USP45: variants seen among roughly 807,000 people sequenced by gnomAD.
USP45 encodes the protein ubiquitin specific peptidase 45, also known as ubiquitin carboxyl-terminal hydrolase 45.
In USP45, 89 loss-of-function variants were observed where a neutral mutation model predicts 95.8. The ratio of observed to expected loss-of-function variants is 0.93; its 90% CI spans 0.78 to 1.11. The LOEUF is 1.11. Ranked by LOEUF, USP45 falls within the 50% of genes least tolerant of loss-of-function variation. The pLI, the probability that USP45 is intolerant of heterozygous loss-of-function variation, is 0.00. For synonymous variants in USP45, 281 were observed against 316.2 expected (o/e 0.89, Z 1.18); for missense variants, 898 against 942.5 (o/e 0.95, Z 0.62).
intron 7 of USP45, among the ~76,000 whole-genome samples, chr6:99,487,766 G>C (rs1474656395): frequency 6.6e-6 from 1 of 151,818 alleles, no homozygotes; most frequent in Non-Finnish European, 1.5e-5. Context: ...CTGCACTCCA[G>C]CCTGCACTCC....
At chr6:99,494,127 CA>C (rs1213754036) in intron 5 of USP45, among the ~76,000 whole-genome samples, 16 of 152,144 alleles carry the variant, frequency 1.1e-4, no homozygotes, top group African/African-American at 3.9e-4. Flanking sequence ...AAGGTAATCA[CA>C]AAGTTTCCAG....
intron 13 of USP45, among the ~76,000 whole-genome samples, chr6:99,451,780 T>C (rs1202776542): frequency 6.6e-6 from 1 of 152,166 alleles, no homozygotes; most frequent in Non-Finnish European, 1.5e-5. Flanking sequence ...CTTCAAACTA[T>C]ACTACAAGGC....
chr6:99,469,487 T>TATAA (rs1491589320), intron 9 of USP45, among the ~76,000 whole-genome samples: 1 of 3,888 alleles, frequency 2.6e-4, no homozygotes, highest in Non-Finnish European at 4.3e-4. Flanking sequence ...TATATATATA[T>TATAA]TTTTTTTTTT....
rs146779308 is a variant in USP45 at position 99,508,622 on chromosome 6, C to T, written c.261G>A (p.Lys87=). 4 of 1,611,948 alleles carry T rather than the reference C, an allele frequency of 2.5e-6. No homozygotes were observed. Among genetic ancestry groups the T allele is most frequent in the Non-Finnish European group, 3.4e-6 (4 of 1,179,508 alleles). ...VLTSDIWLCL[K]CGFQGCGKNS... is the part of the protein sequence containing the mutation. ...ATACTTTTCTTACCTGGAAGCCACACTTGAGGCACAACCAAATATCAGAAG... is the reference window on the plus strand; with the variant it reads ...ATACTTTTCTTACCTGGAAGCCACATTTGAGGCACAACCAAATATCAGAAG... The change falls in exon 3 of 18, where the codon AAG becomes AAA. Residue 87 remains lysine, a synonymous_variant. Transcript: ENST00000500704.
At chr6:99,463,282 G>C (rs1400004286) in intron 13 of USP45, among the ~76,000 whole-genome samples, 1 of 152,074 alleles carries the variant, frequency 6.6e-6, no homozygotes, top group Admixed American at 6.6e-5. Flanking sequence ...TCAGTGACTG[G>C]TAATATCATA....
rs879011195 is a variant in USP45, at chr6:99,432,750, A to C, written c.*2966T>G. The C allele has an allele frequency of 6.5e-6, 1 of 152,706 alleles. No individual in the cohort carries two copies. The highest frequency in any genetic ancestry group is 2.1e-4 in the South Asian group (1 of 4,822). 9.5% of individuals were successfully genotyped at this position (152,706 alleles called of 1,614,324 possible). A position where few individuals can be genotyped will look rare whatever the true frequency, so the allele number is the denominator to read the frequency against. On this transcript the variant is annotated 3_prime_UTR_variant, in exon 18 of 18. Transcript: ENST00000500704. ...ATTTGATCAATACATGCAGAAAAAT[A>C]AATTACAAACGTGAATTTTTAAAAG...
At chr6:99,470,929 T>C (rs1789244643) in intron 9 of USP45, among the ~76,000 whole-genome samples, 1 of 152,152 alleles carries the variant, frequency 6.6e-6, no homozygotes, top group African/African-American at 2.4e-5. Context: ...TTTAAACATT[T>C]TACTAATTCA....
intron 9 of USP45, among the ~76,000 whole-genome samples, chr6:99,471,661 A>G (rs1325449474): frequency 6.6e-6 from 1 of 152,246 alleles, no homozygotes; most frequent in Non-Finnish European, 1.5e-5. Flanking sequence ...TATATTCAGC[A>G]AGAGTATATT....
chr6:99,467,304 A>C (rs1482338974), intron 10 of USP45, among the ~76,000 whole-genome samples: 1 of 152,194 alleles, frequency 6.6e-6, no homozygotes, highest in African/African-American at 2.4e-5. Context: ...AGGTTGGGAG[A>C]AAATGGATTA....
Position 99,508,613 on chromosome 6 carries a change from G to C in USP45, c.270C>G (p.Phe90Leu). The C allele has an allele frequency of 1.2e-6, 2 of 1,610,054 alleles. No homozygotes were observed. The highest frequency in any genetic ancestry group is 1.3e-5 in the African/African-American group (1 of 74,824). ...ATATAAATAATACTTTTCTTACCTG[G>C]AAGCCACACTTGAGGCACAACCAAA... ...SDIWLCLKCG[F>L]QGCGKNSESQ... Residue 90 changes from phenylalanine to leucine, a missense_variant, in exon 3 of 18, where the codon TTC becomes TTG. Coordinates refer to ENST00000500704, the MANE Select transcript of USP45 (RefSeq NM_001346022.3).
At chr6:99,461,731 C>A in intron 13 of USP45, 1 of 985,034 alleles carries the variant, frequency 1.0e-6, no homozygotes, top group African/African-American at 1.7e-5. Context: ...AACTTATGAT[C>A]AAATCAGTAC....
chr6:99,450,006 G>GA (rs1204141798), intron 13 of USP45, among the ~76,000 whole-genome samples: 1 of 152,148 alleles, frequency 6.6e-6, no homozygotes, highest in Admixed American at 6.5e-5. Context: ...CAACATACCA[G>GA]AATCTATGGG....
In USP45 at chr6:99,446,894, C is replaced by A. The variant is rs1041386926; in HGVS notation, c.1309-431G>T. 4.6e-5 allele frequency among the ~76,000 whole-genome samples: 7 copies of A among 152,184 alleles called. No homozygotes were observed. The South Asian group carries it at 8.3e-4, about 18-fold the overall frequency. ...ATGTAGTTACTACTACAAGTATGTA[C>A]CACCATACCTGGCTAATTTTTTAAT... is the stretch of plus-strand genomic sequence containing the variant. On this transcript the variant is annotated intron_variant, in intron 13 of 17. Coordinates refer to ENST00000500704, the MANE Select transcript of USP45 (RefSeq NM_001346022.3).
In USP45 at chr6:99,510,225, T is replaced by C; in HGVS notation, c.-5A>G. On this transcript the variant is annotated 5_prime_UTR_variant, in exon 2 of 18. It adds an upstream start codon to the 5' untranslated region. Transcript: ENST00000500704. ...AGTTGGATCTTTCACCCGCATCTGT[T>C]ATTTACTGAAGGGATTGAGGGAAAA... 1.2e-6 allele frequency: 2 copies of C among 1,612,580 alleles called. No individual in the cohort carries two copies. The highest frequency in any genetic ancestry group is 2.2e-5 in the South Asian group (2 of 90,778).
At chr6:99,476,284 C>A in intron 8 of USP45, 54 bp from the exon 9 acceptor site, 1 of 1,512,666 alleles carries the variant, frequency 6.6e-7, no homozygotes, top group Non-Finnish European at 9.2e-7. Context: ...TTCCATGGTT[C>A]ATCAACACTC....
intron 3 of USP45, among the ~76,000 whole-genome samples, chr6:99,507,918 C>T (rs1286792537): frequency 2.0e-5 from 3 of 152,164 alleles, no homozygotes; most frequent in Non-Finnish European, 4.4e-5. Context: ...CGATTTCCCT[C>T]ACTAGGTAAG....
chr6:99,488,520 T>C (rs577964065), intron 6 of USP45, among the ~76,000 whole-genome samples, 161 bp downstream of exon 6: 7 of 152,308 alleles, frequency 4.6e-5, no homozygotes, highest in African/African-American at 1.7e-4. Context: ...ATAAGGTACA[T>C]GTATACATAT....
intron 13 of USP45, among the ~76,000 whole-genome samples, chr6:99,458,165 G>A (rs543589955): frequency 2.6e-5 from 4 of 152,234 alleles, no homozygotes; most frequent in Non-Finnish European, 5.9e-5. Flanking sequence ...GATTACAGGC[G>A]TGTGCCACCA....
chr6:99,494,293 A>C (rs992139229), intron 5 of USP45, among the ~76,000 whole-genome samples: 1 of 152,220 alleles, frequency 6.6e-6, no homozygotes, highest in Non-Finnish European at 1.5e-5. Flanking sequence ...CTGGAATGCA[A>C]AGAACATTGA....
Sources: allele counts gnomAD v4.1 joint callset (sites outside exome capture counted in the v4.1 genomes callset), GRCh38; gene constraint gnomAD v4.1.1; transcripts MANE v1.5; gene names NCBI Gene and HGNC (gene_info 2026-07-23, HGNC 2026-07-21).